Variants in EPB41 observed in about 807,000 individuals in gnomAD.
EPB41 encodes the protein erythrocyte membrane protein band 4.1.
A neutral mutation model predicts 108.0 loss-of-function variants in EPB41; 65 were observed. The ratio of observed to expected loss-of-function variants is 0.60; its 90% CI spans 0.49 to 0.74. EPB41 has a LOEUF of 0.74. Ranked by LOEUF, EPB41 falls within the 30% of genes least tolerant of loss-of-function variation. EPB41 has a pLI of 0.00. For missense variants in EPB41, 875 were observed against 1,037.0 expected, an observed-to-expected ratio of 0.84 and a Z score of 2.15; for synonymous variants, 336 against 358.9, an observed-to-expected ratio of 0.94 and a Z score of 0.72.
chr1:29,093,321 T>G (rs1314428908), intron 16 of EPB41, among the ~76,000 whole-genome samples: 1 of 152,248 alleles, frequency 6.6e-6, no homozygotes, highest in Non-Finnish European at 1.5e-5. Context: ...GAGCCTTTTT[T>G]CTTATGCTTG....
intron 1 of EPB41, chr1:28,902,113 C>T (rs892840957): frequency 1.1e-6 from 1 of 947,152 alleles, no homozygotes; most frequent in African/African-American, 1.8e-5. Flanking sequence ...CCTGTTCTCT[C>T]TGGATCTAGG....
At chr1:28,953,700 T>C (rs1480922021) in intron 1 of EPB41, among the ~76,000 whole-genome samples, 2 of 152,226 alleles carry the variant, frequency 1.3e-5, no homozygotes, top group Admixed American at 6.5e-5. Flanking sequence ...AACTAAACTT[T>C]TTTTAGTGAG....
chr1:29,053,895 AC>A (rs1327057703), intron 12 of EPB41: 2 of 153,378 alleles, frequency 1.3e-5, no homozygotes, highest in African/African-American at 4.8e-5. Flanking sequence ...TATAAAACAC[AC>A]CAGTATGATT....
intron 17 of EPB41, among the ~76,000 whole-genome samples, chr1:29,105,710 T>C (rs1305407936): frequency 1.3e-5 from 2 of 150,974 alleles, no homozygotes; most frequent in African/African-American, 4.8e-5. Context: ...GGGAAAATAT[T>C]AATAAAGCTG....
At chr1:28,890,973 A>C (rs2090052333) in intron 1 of EPB41, 2 of 985,336 alleles carry the variant, frequency 2.0e-6, no homozygotes, top group Non-Finnish European at 2.4e-6. Flanking sequence ...GGAACTGGGG[A>C]ACAAGCTGTG....
At chr1:29,081,027 C>CA (rs1197076888) in intron 16 of EPB41, among the ~76,000 whole-genome samples, 3 of 152,138 alleles carry the variant, frequency 2.0e-5, no homozygotes, top group African/African-American at 7.2e-5. Context: ...AGCCGATCAG[C>CA]AAGAGATTGC....
At chr1:28,927,224 G>A (rs1440311127) in intron 1 of EPB41, among the ~76,000 whole-genome samples, 1 of 152,172 alleles carries the variant, frequency 6.6e-6, no homozygotes, top group Admixed American at 6.5e-5. Context: ...AAATAAAATA[G>A]CAAGTGATTT....
intron 16 of EPB41, chr1:29,097,492 C>T (rs1351619193): frequency 1.3e-5 from 5 of 384,968 alleles, no homozygotes; most frequent in Non-Finnish European, 2.4e-5. Flanking sequence ...TTTGGCAAAT[C>T]GTTTTATATT....
Position 29,018,392 on chromosome 1 carries a change from T to C in EPB41, c.1074T>C (p.Asn358=), listed in dbSNP as rs755228773. ...TTAGTGATTTTAAACTGGCCCCGAATCAGACCAAGGAACTTGAAGAGAAGG... is the reference window on the plus strand; with the variant it reads ...TTAGTGATTTTAAACTGGCCCCGAACCAGACCAAGGAACTTGAAGAGAAGG... ...DYVSDFKLAP[N]QTKELEEKVM... Residue 358 remains asparagine, a synonymous_variant, in exon 7 of 21, where the codon AAT becomes AAC. Coordinates refer to ENST00000343067, the MANE Select transcript of EPB41 (RefSeq NM_001376013.1). The surrounding 1 kb of genome is among the most constrained non-coding windows in gnomAD (Gnocchi z 4.4). 7.4e-6 allele frequency: 12 copies of C among 1,614,120 alleles called. No homozygotes were observed. In the South Asian group the frequency reaches 1.3e-4, roughly 18 times the overall value.
intron 4 of EPB41, among the ~76,000 whole-genome samples, chr1:28,998,291 A>G (rs1233704033): frequency 6.6e-6 from 1 of 152,200 alleles, no homozygotes; most frequent in Non-Finnish European, 1.5e-5. Context: ...CTGACAGTTC[A>G]GGAACTGAAA....
At chr1:28,892,162 A>C (rs1376575674) in intron 1 of EPB41, among the ~76,000 whole-genome samples, 2 of 150,768 alleles carry the variant, frequency 1.3e-5, no homozygotes, top group African/African-American at 4.9e-5. Flanking sequence ...CAGGCATTGT[A>C]CTCAACTTCA....
At chr1:29,043,807 G>A (rs533247053) in intron 11 of EPB41, among the ~76,000 whole-genome samples, 75 of 152,324 alleles carry the variant, frequency 4.9e-4, no homozygotes, top group African/African-American at 1.7e-3. Flanking sequence ...AAAGCAGGGC[G>A]AAGGCTGTTG....
At chr1:28,930,350 T>A (rs2093679312) in intron 1 of EPB41, among the ~76,000 whole-genome samples, 1 of 151,276 alleles carries the variant, frequency 6.6e-6, no homozygotes, top group Non-Finnish European at 1.5e-5. Context: ...TTTTTTTTTA[T>A]AGAAACGGGG....
rs182545903 is a variant in EPB41, at chr1:29,115,190, C to G, written c.2497-509C>G. On this transcript the variant is annotated intron_variant, in intron 19 of 20. Coordinates refer to ENST00000343067, the MANE Select transcript of EPB41 (RefSeq NM_001376013.1). This position sits in a 1 kb window ranked among gnomAD's most constrained non-coding sequence, Gnocchi z 4.4. ...GGTGGATCATTTGAGGTCAGGAGTT[C>G]GAGACCAGTCTGGCCAACATGGTGA... Among the ~76,000 whole-genome samples, 441 of 152,178 alleles carry G rather than the reference C, an allele frequency of 2.9e-3. 3 individuals carry two copies. Among genetic ancestry groups the G allele is most frequent in the African/African-American group, 0.01 (422 of 41,500 alleles).
intron 1 of EPB41, among the ~76,000 whole-genome samples, chr1:28,891,243 T>C (rs2090083289): frequency 6.6e-6 from 1 of 152,094 alleles, no homozygotes; most frequent in Admixed American, 6.6e-5. Flanking sequence ...AGGTCAGCAA[T>C]AGGATAAAGG....
rs557481397 is a variant in EPB41, at chr1:29,070,501, G to A, written c.2184+5343G>A. On this transcript the variant is annotated intron_variant, in intron 16 of 20. Transcript: ENST00000343067. The stretch of plus-strand genomic sequence containing the variant: ...CTATTCCAATCCCTGAGGATCACAA[G>A]TCTCTCAAAAAGTGCCACCTCTACT... 8.8e-5 allele frequency: 108 copies of A among 1,232,086 alleles called. 2 individuals carry two copies. The Middle Eastern group carries it at 5.3e-3, about 60-fold the overall frequency. The allele number at this position is 1,232,086 out of a possible 1,614,324, so 76.3% of individuals were successfully genotyped here.
At chr1:29,071,235 A>G (rs1035028558) in intron 16 of EPB41, 2 of 152,176 alleles carry the variant, frequency 1.3e-5, no homozygotes, top group African/African-American at 4.8e-5. Flanking sequence ...GGGACAGACA[A>G]CTTTTTCCTG....
chr1:28,987,920 A>G lies in EPB41; in HGVS notation c.468+15A>G. On this transcript the variant is annotated intron_variant, in intron 2 of 20. Coordinates refer to ENST00000343067, the MANE Select transcript of EPB41 (RefSeq NM_001376013.1). ...CAGAAACACAGGTAAGGATGTGTGG[A>G]TATGGGAGGTGGGCAAAGGAAGGCA... 2 of 1,611,076 alleles carry G rather than the reference A, an allele frequency of 1.2e-6. No homozygotes were observed. Among genetic ancestry groups the G allele is most frequent in the Non-Finnish European group, 1.7e-6 (2 of 1,177,202 alleles).
In EPB41 at chr1:28,914,603, T is replaced by C. The variant is rs2092447246; in HGVS notation, c.-173T>C. The C allele has an allele frequency of 6.6e-6, 1 of 151,308 alleles. No homozygotes were observed. The highest frequency in any genetic ancestry group is 1.5e-5 in the Non-Finnish European group (1 of 67,814). 9.4% of individuals were successfully genotyped at this position (151,308 alleles called of 1,614,324 possible). A position where few individuals can be genotyped will look rare whatever the true frequency, so the allele number is the denominator to read the frequency against. ...GCGGGAGGGCGCGCGCCAGGGTCGC[T>C]CGCTCGCTCCCTCCCTCCGCTGGTG... On this transcript the variant is annotated 5_prime_UTR_variant, in exon 1 of 21. Coordinates refer to ENST00000343067, the MANE Select transcript of EPB41 (RefSeq NM_001376013.1).
Sources: gnomAD v4.1 joint callset for allele counts (sites outside exome capture counted in the v4.1 genomes callset) on GRCh38, gnomAD v4.1.1 for gene constraint, Gnocchi (gnomAD v3.1) non-coding constraint, MANE v1.5 for transcripts, NCBI Gene and HGNC (gene_info 2026-07-23, HGNC 2026-07-21) for gene names.